The following CACNA1A variants were observed in gnomAD, a reference collection of about 807,000 sequenced individuals.
CACNA1A encodes the protein calcium voltage-gated channel subunit alpha1 A.
CACNA1A carries 57 observed loss-of-function variants against 262.4 expected under a neutral mutation model. The observed-to-expected ratio is 0.22, with a 90% CI of 0.18 to 0.27. CACNA1A has a LOEUF of 0.27. Among genes scored for constraint, CACNA1A ranks in the 10% least tolerant of loss-of-function variants. CACNA1A has a pLI of 1.00. For synonymous variants in CACNA1A, 1,431 were observed against 1,419.3 expected (o/e 1.01, Z -0.18); for missense variants, 2,526 against 3,562.8 (o/e 0.71, Z 7.41).
chr19:13,376,627 T>C (rs1480890396), intron 3 of CACNA1A, among the ~76,000 whole-genome samples: 8 of 147,374 alleles, frequency 5.4e-5, no homozygotes, highest in Non-Finnish European at 1.0e-4. Flanking sequence ...TATAACACAC[T>C]ACACATATGT....
chr19:13,404,990 G>A lies in CACNA1A; in HGVS notation c.540-33211C>T, dbSNP rs146464823. Reference sequence around the variant, plus strand: ...CGGCTCACTGCAACTTCCACCTCCCGGGTTCAAGCGATTCTCCTGCCTCAG... The same window carrying A: ...CGGCTCACTGCAACTTCCACCTCCCAGGTTCAAGCGATTCTCCTGCCTCAG... On this transcript the variant is annotated intron_variant, in intron 3 of 46. Coordinates refer to ENST00000360228, the MANE Select transcript of CACNA1A (RefSeq NM_001127222.2). 7.0e-3 allele frequency among the ~76,000 whole-genome samples: 1,063 copies of A among 151,790 alleles called. 7 individuals are homozygous for A. Among genetic ancestry groups the A allele is most frequent in the Non-Finnish European group, 0.011 (749 of 67,920 alleles).
chr19:13,221,597 A>G (rs1186644310), intron 38 of CACNA1A, among the ~76,000 whole-genome samples: 2 of 151,758 alleles, frequency 1.3e-5, no homozygotes, highest in East Asian at 3.9e-4. Context: ...AAATCACATC[A>G]CATCCCCTTT....
chr19:13,381,228 AAAT>A (rs1599331168), intron 3 of CACNA1A, among the ~76,000 whole-genome samples: 5 of 151,988 alleles, frequency 3.3e-5, no homozygotes, highest in Admixed American at 3.3e-4. Flanking sequence ...CTATTAAAAA[AAAT>A]AATAACAATT....
At chr19:13,296,467 G>T (rs1377142893) in intron 19 of CACNA1A, among the ~76,000 whole-genome samples, 1 of 152,214 alleles carries the variant, frequency 6.6e-6, no homozygotes, top group East Asian at 1.9e-4. Flanking sequence ...CTGCTAGAAA[G>T]TATTACAAAA....
rs974515720 is a variant in CACNA1A, at chr19:13,293,439, C to CTTTTTTTTTTT, written c.3089+5094_3089+5104dup. On this transcript the variant is annotated intron_variant, in intron 19 of 46. Transcript: ENST00000360228. The stretch of plus-strand genomic sequence containing the variant: ...TTTACACGTACTAACTCAGTTAAAT[C>CTTTTTTTTTTT]TTTTTTTTTTTTTTTTTTTTTTTTG... 3.0e-4 allele frequency among the ~76,000 whole-genome samples: 24 copies of CTTTTTTTTTTT among 80,894 alleles called. 1 individual carries two copies. Among genetic ancestry groups the CTTTTTTTTTTT allele is most frequent in the East Asian group, 1.5e-3 (3 of 2,024 alleles). 53.1% of individuals were successfully genotyped at this position (80,894 alleles called of 152,430 possible). A position where few individuals can be genotyped will look rare whatever the true frequency, so the allele number is the denominator to read the frequency against.
intron 38 of CACNA1A, 89 bp downstream of exon 38, chr19:13,224,578 A>G: frequency 1.2e-6 from 1 of 827,658 alleles, no homozygotes; most frequent in South Asian, 1.5e-5. Flanking sequence ...CCGGGTGGTG[A>G]CAGCAGATCC....
chr19:13,271,214 G>GTTTTTTTTGTTTTTTTTGTTTTTTTTTTT (rs2057009117), intron 24 of CACNA1A: 3 of 80,438 alleles, frequency 3.7e-5, no homozygotes, highest in African/African-American at 1.6e-4. Context: ...TCATTCTGCT[G>GTTTTTTTTGTTTTTTTTGTTTTTTTTTTT]TTTTTTTTTT....
At chr19:13,405,366 G>T (rs905401348) in intron 3 of CACNA1A, among the ~76,000 whole-genome samples, 12 of 151,890 alleles carry the variant, frequency 7.9e-5, no homozygotes, top group Non-Finnish European at 1.0e-4. Context: ...CTAATTATTT[G>T]TATTTTTATT....
At chr19:13,458,841 T>C (rs1486210420) in intron 1 of CACNA1A, among the ~76,000 whole-genome samples, 1 of 152,252 alleles carries the variant, frequency 6.6e-6, no homozygotes, top group Non-Finnish European at 1.5e-5. Context: ...GCTCTGCATA[T>C]GGATCTGGCA....
chr19:13,470,245 C>T (rs544598274), intron 1 of CACNA1A, among the ~76,000 whole-genome samples: 22 of 152,278 alleles, frequency 1.4e-4, no homozygotes, highest in Non-Finnish European at 4.4e-5. Context: ...GTTGCCTTCA[C>T]GTGTTCCTGC....
chr19:13,284,927 A>T, intron 21 of CACNA1A, 141 bp downstream of exon 21: 1 of 701,236 alleles, frequency 1.4e-6, no homozygotes, highest in Non-Finnish European at 2.4e-6. Context: ...TTACGGAAGG[A>T]GCATCCATTT....
At chr19:13,380,121 TAA>T (rs2059491330) in intron 3 of CACNA1A, among the ~76,000 whole-genome samples, 1 of 129,148 alleles carries the variant, frequency 7.7e-6, no homozygotes, top group Non-Finnish European at 1.6e-5. Flanking sequence ...CCGTCTCTAC[TAA>T]AAATACAAAA....
chr19:13,463,226 A>T (rs1006058669), intron 1 of CACNA1A, among the ~76,000 whole-genome samples: 1 of 152,104 alleles, frequency 6.6e-6, no homozygotes, highest in Non-Finnish European at 1.5e-5. Flanking sequence ...ACCTCACCCA[A>T]GTCCCAACCA....
chr19:13,453,106 C>T, intron 2 of CACNA1A, 91 bp from the exon 3 acceptor site: 1 of 1,318,820 alleles, frequency 7.6e-7, no homozygotes, highest in Non-Finnish European at 1.1e-6. Context: ...CAGTACCTAT[C>T]ACCCTCTCAC....
chr19:13,442,227 G>T (rs2144884254), intron 3 of CACNA1A, among the ~76,000 whole-genome samples: 1 of 152,244 alleles, frequency 6.6e-6, no homozygotes, highest in Non-Finnish European at 1.5e-5. Flanking sequence ...ATTGGTAAAG[G>T]GTACACTAGT....
At chr19:13,455,841 G>A (rs2060995901) in intron 1 of CACNA1A, among the ~76,000 whole-genome samples, 1 of 145,648 alleles carries the variant, frequency 6.9e-6, no homozygotes, top group South Asian at 2.2e-4. Context: ...CTGCACTCCA[G>A]CCTGGGTGAC....
At chr19:13,311,899 C>T (rs2058043513) in intron 12 of CACNA1A, among the ~76,000 whole-genome samples, 1 of 151,934 alleles carries the variant, frequency 6.6e-6, no homozygotes, top group Non-Finnish European at 1.5e-5. Context: ...CTTTCTGAGA[C>T]CAACAGGACT....
At chr19:13,385,023 C>T (rs2059585452) in intron 3 of CACNA1A, among the ~76,000 whole-genome samples, 1 of 152,006 alleles carries the variant, frequency 6.6e-6, no homozygotes, top group African/African-American at 2.4e-5. Context: ...ATAAAGTAAC[C>T]ACTAGCCACA....
chr19:13,420,661 T>C (rs764640982), intron 3 of CACNA1A, among the ~76,000 whole-genome samples: 5 of 152,160 alleles, frequency 3.3e-5, no homozygotes, highest in Non-Finnish European at 5.9e-5. Flanking sequence ...TTTAGGCTTC[T>C]AGCCTCCAGA....
Sources: allele counts gnomAD v4.1 joint callset (sites outside exome capture counted in the v4.1 genomes callset), GRCh38; gene constraint gnomAD v4.1.1; transcripts MANE v1.5; gene names NCBI Gene and HGNC (gene_info 2026-07-23, HGNC 2026-07-21).